Variants in INPP4B observed in about 807,000 individuals in gnomAD.
The protein encoded by INPP4B is inositol polyphosphate-4-phosphatase type II B, also known as inositol polyphosphate 4-phosphatase type II.
A neutral mutation model predicts 122.5 loss-of-function variants in INPP4B; 55 were observed. The observed-to-expected ratio is 0.45, with a 90% CI of 0.36 to 0.56. The LOEUF is 0.56. Among genes scored for constraint, INPP4B ranks in the 20% least tolerant of loss-of-function variants. INPP4B has a pLI of 0.00. For missense variants in INPP4B, 1,000 were observed against 1,097.7 expected, an observed-to-expected ratio of 0.91 and a Z score of 1.26; for synonymous variants, 403 against 388.7, an observed-to-expected ratio of 1.04 and a Z score of -0.43.
chr4:142,712,020 C>T (rs1165716074), intron 2 of INPP4B, among the ~76,000 whole-genome samples: 1 of 152,096 alleles, frequency 6.6e-6, no homozygotes, highest in Non-Finnish European at 1.5e-5. Context: ...TGCACTCCAG[C>T]CTGTGTGACA....
chr4:142,479,198 C>A (rs1286409165), intron 2 of INPP4B, among the ~76,000 whole-genome samples: 13 of 152,032 alleles, frequency 8.6e-5, no homozygotes, highest in African/African-American at 1.2e-4. Flanking sequence ...CTGTGGCCAA[C>A]AAACATATGA....
At chr4:142,252,994 G>T (rs988245609) in intron 11 of INPP4B, among the ~76,000 whole-genome samples, 7 of 152,172 alleles carry the variant, frequency 4.6e-5, no homozygotes, top group African/African-American at 1.4e-4. Flanking sequence ...ACGCTCCAGG[G>T]TATCGCCTAT....
At chr4:142,409,407 C>T (rs1004840737) in intron 5 of INPP4B, among the ~76,000 whole-genome samples, 1 of 152,034 alleles carries the variant, frequency 6.6e-6, no homozygotes, top group Non-Finnish European at 1.5e-5. Flanking sequence ...GTGGGAGAGT[C>T]GCTTGAACCC....
chr4:142,584,290 A>G (rs963011041), intron 2 of INPP4B, among the ~76,000 whole-genome samples: 5 of 152,144 alleles, frequency 3.3e-5, no homozygotes, highest in African/African-American at 1.2e-4. Flanking sequence ...TATGGCTCAT[A>G]TGTTATAATT....
At chr4:142,653,171 T>C (rs1349146146) in intron 2 of INPP4B, among the ~76,000 whole-genome samples, 1 of 152,218 alleles carries the variant, frequency 6.6e-6, no homozygotes, top group African/African-American at 2.4e-5. Flanking sequence ...GCTAGCCATA[T>C]GCAGAAAGCT....
At chr4:142,621,302 A>T (rs1744876845) in intron 2 of INPP4B, among the ~76,000 whole-genome samples, 1 of 151,958 alleles carries the variant, frequency 6.6e-6, no homozygotes, top group South Asian at 2.1e-4. Flanking sequence ...GTAGAGAGGT[A>T]AGTGATGTAG....
rs964973259 is a variant in INPP4B, at chr4:142,833,250, G to A, written c.-254+12959C>T. Among the ~76,000 whole-genome samples the A allele has an allele frequency of 3.9e-5, 6 of 152,092 alleles. No individual in the cohort carries two copies. The East Asian group carries it at 9.7e-4, about 25-fold the overall frequency. ...TTTGTCATCTAGAAGCTCTAGGTGGGTGCTACACATAATGCAGCAATTTTA... is the reference window on the plus strand; with the variant it reads ...TTTGTCATCTAGAAGCTCTAGGTGGATGCTACACATAATGCAGCAATTTTA... On this transcript the variant is annotated intron_variant, in intron 1 of 25. Coordinates refer to ENST00000262992, the MANE Select transcript of INPP4B (RefSeq NM_001101669.3).
At chr4:142,544,103 T>C (rs900017302) in intron 2 of INPP4B, among the ~76,000 whole-genome samples, 1 of 85,406 alleles carries the variant, frequency 1.2e-5, no homozygotes, top group Non-Finnish European at 2.3e-5. Context: ...GGAAGTATAA[T>C]GCACAAATAC....
chr4:142,763,463 A>G (rs1342677420), intron 1 of INPP4B, among the ~76,000 whole-genome samples: 1 of 152,192 alleles, frequency 6.6e-6, no homozygotes, highest in Non-Finnish European at 1.5e-5. Flanking sequence ...CAAACAACAG[A>G]ACATTGTGAA....
intron 7 of INPP4B, among the ~76,000 whole-genome samples, chr4:142,345,977 G>C (rs1780210902): frequency 6.6e-6 from 1 of 151,854 alleles, no homozygotes; most frequent in South Asian, 2.1e-4. Flanking sequence ...TGTCCCAGCT[G>C]TCCACCTCAG....
chr4:142,590,711 A>C (rs1237869065), intron 2 of INPP4B, among the ~76,000 whole-genome samples: 1 of 151,790 alleles, frequency 6.6e-6, no homozygotes, highest in African/African-American at 2.4e-5. Context: ...TTATATAAAA[A>C]GATATTCATA....
chr4:142,786,945 G>A (rs866198487), intron 1 of INPP4B, among the ~76,000 whole-genome samples: 8 of 151,854 alleles, frequency 5.3e-5, no homozygotes, highest in African/African-American at 7.3e-5. Flanking sequence ...TAGAATCCCG[G>A]AAAATAAACT....
chr4:142,662,176 A>G (rs1258704018), intron 2 of INPP4B, among the ~76,000 whole-genome samples: 2 of 151,732 alleles, frequency 1.3e-5, no homozygotes, highest in Non-Finnish European at 2.9e-5. Flanking sequence ...CGGAGCTTGT[A>G]GTGAGCCAAG....
At chr4:142,725,296 A>AGCG (rs1765200749) in intron 2 of INPP4B, among the ~76,000 whole-genome samples, 1 of 152,124 alleles carries the variant, frequency 6.6e-6, no homozygotes. Flanking sequence ...CTATTCAACA[A>AGCG]CTGCATGATA....
intron 16 of INPP4B, among the ~76,000 whole-genome samples, chr4:142,165,190 T>C (rs189260709): frequency 1.1e-3 from 161 of 151,754 alleles, no homozygotes; most frequent in African/African-American, 3.7e-3. Flanking sequence ...TTGTTGTTCT[T>C]TAATTTTTAG....
At chr4:142,793,353 T>A (rs959444813) in intron 1 of INPP4B, among the ~76,000 whole-genome samples, 2 of 152,094 alleles carry the variant, frequency 1.3e-5, no homozygotes, top group African/African-American at 4.8e-5. Flanking sequence ...TATGGACCAA[T>A]ATTTACCCAC....
At chr4:142,146,147 T>C (rs1052838279) in intron 17 of INPP4B, 151 bp from the exon 18 acceptor site, 22 of 798,374 alleles carry the variant, frequency 2.8e-5, no homozygotes, top group East Asian at 5.2e-5. Context: ...GGTCAGACTA[T>C]GGATATATAA....
At chr4:142,544,269 T>C (rs2150045553) in intron 2 of INPP4B, among the ~76,000 whole-genome samples, 1 of 152,114 alleles carries the variant, frequency 6.6e-6, no homozygotes, top group African/African-American at 2.4e-5. Flanking sequence ...TTAGAATCAA[T>C]CTGGCTCTCA....
At position 142,086,207 on chromosome 4, in the gene INPP4B, A is replaced by G. The variant is rs552034309; in HGVS notation, c.2424T>C (p.Asn808=). The G allele has an allele frequency of 9.6e-5, 153 of 1,601,680 alleles. No individual in the cohort carries two copies. In the South Asian group the frequency reaches 1.6e-3, roughly 16 times the overall value. The change falls in exon 24 of 26, where the codon AAT becomes AAC. Residue 808 remains asparagine (N), a synonymous_variant. Transcript: ENST00000262992. ...TTTTGGATTGGATATTTTGAAGGAG[A>G]TTTTCTAGCAATGCTTTTAAATCAT... ...EQNDLKALLE[N]LLQNIQSKKR...
Sources: allele counts gnomAD v4.1 joint callset (sites outside exome capture counted in the v4.1 genomes callset), GRCh38; gene constraint gnomAD v4.1.1; transcripts MANE v1.5; gene names NCBI Gene and HGNC (gene_info 2026-07-23, HGNC 2026-07-21).